The following CTNNAL1 variants were observed in gnomAD, a reference collection of about 807,000 sequenced individuals.
CTNNAL1 encodes catenin alpha like 1, also known as alpha-catulin.
A neutral mutation model predicts 93.6 loss-of-function variants in CTNNAL1; 69 were observed. The observed-to-expected ratio is 0.74, with a 90% CI of 0.61 to 0.90. CTNNAL1 has a LOEUF of 0.90. Among genes scored for constraint, CTNNAL1 ranks in the 40% least tolerant of loss-of-function variants. The pLI, the probability that CTNNAL1 is intolerant of heterozygous loss-of-function variation, is 0.00. For synonymous variants in CTNNAL1, 286 were observed against 305.4 expected (o/e 0.94, Z 0.66); for missense variants, 836 against 862.0 (o/e 0.97, Z 0.38).
chr9:109,008,238 A>G (rs544949589), intron 1 of CTNNAL1, among the ~76,000 whole-genome samples: 129 of 147,840 alleles, frequency 8.7e-4, no homozygotes, highest in Non-Finnish European at 1.5e-3. Flanking sequence ...GCTCACTGCA[A>G]CCTCTGACTC....
At chr9:108,959,364 C>CAAAAAAA (rs36116094) in intron 11 of CTNNAL1, among the ~76,000 whole-genome samples, 23 of 55,836 alleles carry the variant, frequency 4.1e-4, no homozygotes, top group African/African-American at 5.8e-4. Flanking sequence ...GACTCCATAT[C>CAAAAAAA]AAAAAAAAAA....
chr9:108,958,668 G>A (rs1420228174), intron 11 of CTNNAL1, among the ~76,000 whole-genome samples: 1 of 151,266 alleles, frequency 6.6e-6, no homozygotes, highest in Non-Finnish European at 1.5e-5. Flanking sequence ...ACTAACAAGA[G>A]ATCTAAATTA....
intron 10 of CTNNAL1, among the ~76,000 whole-genome samples, chr9:108,969,185 G>A (rs1047692231): frequency 3.3e-5 from 5 of 151,704 alleles, no homozygotes; most frequent in East Asian, 1.9e-4. Flanking sequence ...CAGGAGAATC[G>A]CTTGAACCTA....
intron 10 of CTNNAL1, among the ~76,000 whole-genome samples, chr9:108,969,010 G>A (rs1221620630): frequency 6.6e-6 from 1 of 152,070 alleles, no homozygotes; most frequent in South Asian, 2.1e-4. Flanking sequence ...AGTGGCTCAC[G>A]CCTGTAATCC....
At chr9:108,967,399 T>C (rs1830986736) in intron 10 of CTNNAL1, among the ~76,000 whole-genome samples, 1 of 152,166 alleles carries the variant, frequency 6.6e-6, no homozygotes. Flanking sequence ...CACACATGTA[T>C]ACAACTAACA....
chr9:108,993,043 C>T (rs1371934687), intron 2 of CTNNAL1, among the ~76,000 whole-genome samples: 2 of 152,204 alleles, frequency 1.3e-5, no homozygotes, highest in Non-Finnish European at 2.9e-5. Flanking sequence ...ATTTTGCCCT[C>T]ACCCAGTTTG....
At chr9:108,994,959 G>A (rs1472388253) in intron 2 of CTNNAL1, among the ~76,000 whole-genome samples, 1 of 152,182 alleles carries the variant, frequency 6.6e-6, no homozygotes, top group African/African-American at 2.4e-5. Flanking sequence ...GAGGGAGGCT[G>A]GAAGCAGACC....
At chr9:108,993,634 C>G (rs1831899677) in intron 2 of CTNNAL1, among the ~76,000 whole-genome samples, 1 of 152,192 alleles carries the variant, frequency 6.6e-6, no homozygotes, top group African/African-American at 2.4e-5. Flanking sequence ...TAATTATCTA[C>G]TAATAAAACA....
intron 15 of CTNNAL1, among the ~76,000 whole-genome samples, chr9:108,947,118 T>C (rs2132082109): frequency 6.7e-6 from 1 of 149,760 alleles, no homozygotes; most frequent in African/African-American, 2.4e-5. Flanking sequence ...TTTCTTTCTT[T>C]TTTTTTTTTT....
At chr9:108,961,597 A>G (rs761728601) in intron 11 of CTNNAL1, among the ~76,000 whole-genome samples, 9 of 152,188 alleles carry the variant, frequency 5.9e-5, no homozygotes, top group Non-Finnish European at 1.0e-4. Context: ...TTTTAACATA[A>G]GTTAACTGAA....
chr9:108,979,242 T>C lies in CTNNAL1; in HGVS notation c.1101+39A>G, dbSNP rs370561772. ...CTTGCAAAACTTTATGGGAAAGCCA[T>C]TATATAAGATTTACTTTGATTTTAA... On this transcript the variant is annotated intron_variant, in intron 7 of 18. Coordinates refer to ENST00000325551, the MANE Select transcript of CTNNAL1 (RefSeq NM_003798.4). 2.2e-5 allele frequency: 35 copies of C among 1,609,750 alleles called. No homozygotes were observed. The African/African-American group carries it at 4.3e-4, about 20-fold the overall frequency.
In CTNNAL1 at chr9:108,972,806, CT is replaced by C; in HGVS notation, c.1215del (p.Ala406GlnfsTer4). 1 of 1,345,766 alleles carries C rather than the reference CT, an allele frequency of 7.4e-7. No homozygotes were observed. Among genetic ancestry groups the C allele is most frequent in the Non-Finnish European group, 9.8e-7 (1 of 1,021,092 alleles). 83.4% of individuals were successfully genotyped at this position (1,345,766 alleles called of 1,614,324 possible). A position where few individuals can be genotyped will look rare whatever the true frequency, so the allele number is the denominator to read the frequency against. ...TCAGCATGGTATTTTAATAGATCTG[CT>C]GCCAGCTGTGTCGCTGTACTATGAA... ...KELHSTATQL[A>X]ADLLKYHADH... On this transcript the variant is annotated frameshift_variant, in exon 9 of 19. Transcript: ENST00000325551. LOFTEE classifies it high-confidence loss of function.
Position 108,985,142 on chromosome 9 carries a change from C to T in CTNNAL1, c.640-706G>A, listed in dbSNP as rs75819570. 2.0e-5 allele frequency among the ~76,000 whole-genome samples: 3 copies of T among 152,276 alleles called. No individual in the cohort carries two copies. In the East Asian group the frequency reaches 5.8e-4, roughly 29 times the overall value. On this transcript the variant is annotated intron_variant, in intron 4 of 18. Coordinates refer to ENST00000325551, the MANE Select transcript of CTNNAL1 (RefSeq NM_003798.4). Reference sequence around the variant, plus strand: ...CTGATCAAATCTACAACAAAATACTCTGTTAATAATTTGGTTATTATATCT... The same window carrying T: ...CTGATCAAATCTACAACAAAATACTTTGTTAATAATTTGGTTATTATATCT...
At chr9:108,960,437 C>T (rs1391895821) in intron 11 of CTNNAL1, among the ~76,000 whole-genome samples, 1 of 152,178 alleles carries the variant, frequency 6.6e-6, no homozygotes, top group Non-Finnish European at 1.5e-5. Context: ...ACATGTTTAT[C>T]TTCCTGTACC....
chr9:108,966,278 C>T (rs1445965689), intron 10 of CTNNAL1, among the ~76,000 whole-genome samples: 1 of 152,166 alleles, frequency 6.6e-6, no homozygotes, highest in Non-Finnish European at 1.5e-5. Flanking sequence ...TTTTACGTAC[C>T]ACCACATGGG....
intron 11 of CTNNAL1, among the ~76,000 whole-genome samples, chr9:108,956,280 A>C (rs2132102842): frequency 6.6e-6 from 1 of 152,362 alleles, no homozygotes; most frequent in African/African-American, 2.4e-5. Context: ...GGAAGAAGAA[A>C]ACCCTCTGTA....
chr9:108,969,791 T>A lies in CTNNAL1; in HGVS notation c.1440+611A>T, dbSNP rs188932522. The stretch of plus-strand genomic sequence containing the variant: ...CCTCAGCCTCCTGAGTAGCTAGGAC[T>A]ATAGGTAAGCACCACTGTACATGGG... On this transcript the variant is annotated intron_variant, in intron 10 of 18. Transcript: ENST00000325551. Among the ~76,000 whole-genome samples the A allele has an allele frequency of 1.1e-3, 166 of 152,302 alleles. 2 individuals are homozygous for A. The highest frequency in any genetic ancestry group is 6.8e-3 in the Middle Eastern group (2 of 294).
intron 4 of CTNNAL1, 88 bp downstream of exon 4, chr9:108,990,638 C>T (rs1007558084): frequency 1.4e-6 from 2 of 1,454,376 alleles, no homozygotes; most frequent in African/African-American, 2.8e-5. Context: ...GCAAAGAAAC[C>T]AGTCCAAACA....
At chr9:108,967,639 T>C (rs762625700) in intron 10 of CTNNAL1, among the ~76,000 whole-genome samples, 11 of 152,200 alleles carry the variant, frequency 7.2e-5, no homozygotes, top group Non-Finnish European at 1.5e-4. Flanking sequence ...GTGGTCACAG[T>C]ATTTTAAGTT....
Sources: allele counts gnomAD v4.1 joint callset (sites outside exome capture counted in the v4.1 genomes callset), GRCh38; gene constraint gnomAD v4.1.1; transcripts MANE v1.5; gene names NCBI Gene and HGNC (gene_info 2026-07-23, HGNC 2026-07-21).